MKLN1: variants seen among roughly 807,000 people sequenced by gnomAD.
MKLN1 encodes the protein muskelin.
Under a neutral mutation model 99.0 loss-of-function variants are expected in MKLN1, and 18 were observed. The ratio of observed to expected loss-of-function variants is 0.18; its 90% CI spans 0.13 to 0.27. The LOEUF (loss-of-function observed/expected upper bound fraction) is 0.27. Ranked by LOEUF, MKLN1 falls within the 10% of genes least tolerant of loss-of-function variation. MKLN1 has a pLI of 1.00. For missense variants in MKLN1, 621 were observed against 875.9 expected (o/e 0.71, Z 3.67); for synonymous variants, 288 against 293.2 (o/e 0.98, Z 0.18).
intron 3 of MKLN1, among the ~76,000 whole-genome samples, chr7:131,216,587 T>C (rs1287366436): frequency 1.3e-5 from 2 of 152,210 alleles, no homozygotes; most frequent in African/African-American, 4.8e-5. Flanking sequence ...ATAATTTCAA[T>C]GTCTATTTTG....
chr7:131,209,769 C>T (rs966400), intron 3 of MKLN1, among the ~76,000 whole-genome samples: 5,272 of 152,246 alleles, frequency 0.035, 263 homozygotes, highest in East Asian at 0.16. Context: ...CCCCTCATCT[C>T]CTTTGCAGCT....
chr7:131,287,520 G>A (rs1798150728), intron 3 of MKLN1, among the ~76,000 whole-genome samples: 1 of 152,102 alleles, frequency 6.6e-6, no homozygotes, highest in Non-Finnish European at 1.5e-5. Flanking sequence ...ACATGTGATT[G>A]CATTTAGGGC....
chr7:131,224,279 C>T (rs370617927), intron 3 of MKLN1, among the ~76,000 whole-genome samples: 17 of 152,220 alleles, frequency 1.1e-4, no homozygotes, highest in African/African-American at 3.6e-4. Flanking sequence ...GGTGCGGTAG[C>T]TCACACCTGT....
At chr7:131,256,622 A>C (rs558600338) in intron 3 of MKLN1, among the ~76,000 whole-genome samples, 1 of 152,382 alleles carries the variant, frequency 6.6e-6, no homozygotes, top group African/African-American at 2.4e-5. Flanking sequence ...AAGTCGGTAC[A>C]TCTATGAGAA....
intron 3 of MKLN1, among the ~76,000 whole-genome samples, chr7:131,263,595 T>C (rs1365400378): frequency 6.6e-6 from 1 of 150,726 alleles, no homozygotes; most frequent in Non-Finnish European, 1.5e-5. Context: ...TTTTTGAGAC[T>C]GAGTCTCACT....
chr7:131,298,883 G>A (rs542343181), intron 3 of MKLN1, among the ~76,000 whole-genome samples: 269 of 152,268 alleles, frequency 1.8e-3, no homozygotes, highest in Middle Eastern at 3.4e-3. Context: ...TACTGAATCT[G>A]ATCATAGGTT....
chr7:131,301,742 A>G (rs1325928456), intron 3 of MKLN1, among the ~76,000 whole-genome samples: 1 of 152,108 alleles, frequency 6.6e-6, no homozygotes, highest in Non-Finnish European at 1.5e-5. Flanking sequence ...GAAGTTATCT[A>G]GGATTTGCTA....
intron 3 of MKLN1, among the ~76,000 whole-genome samples, chr7:131,294,136 C>T (rs1020851497): frequency 2.0e-5 from 3 of 152,064 alleles, no homozygotes; most frequent in African/African-American, 7.2e-5. Context: ...GGATCAAAGG[C>T]TATGTAAAAG....
intron 1 of MKLN1, among the ~76,000 whole-genome samples, chr7:131,111,559 A>G (rs1311745789): frequency 6.6e-6 from 1 of 152,186 alleles, no homozygotes; most frequent in Non-Finnish European, 1.5e-5. Context: ...AAAACAAAAT[A>G]TTCCAATTAA....
rs183907860 is a variant in MKLN1, at chr7:131,304,029, A to G, written c.-178-71395A>G. 2.8e-4 allele frequency among the ~76,000 whole-genome samples: 42 copies of G among 152,332 alleles called. No individual in the cohort carries two copies. In the East Asian group the frequency reaches 7.3e-3, roughly 27 times the overall value. On this transcript the variant is annotated intron_variant, in intron 3 of 7. Transcript: ENST00000416992. Reference sequence around the variant, plus strand: ...AAAAAATATTTCTTGAGTGCCTACTATGTGCTGTATGTGTACAATATAGGT... The same window carrying G: ...AAAAAATATTTCTTGAGTGCCTACTGTGTGCTGTATGTGTACAATATAGGT...
At chr7:131,154,458 A>G (rs923499778) in intron 2 of MKLN1, among the ~76,000 whole-genome samples, 1 of 152,160 alleles carries the variant, frequency 6.6e-6, no homozygotes, top group Non-Finnish European at 1.5e-5. Context: ...AAGGGAATAT[A>G]GATGTAACAT....
intron 4 of MKLN1, among the ~76,000 whole-genome samples, chr7:131,392,189 G>A (rs1794214438): frequency 6.6e-6 from 1 of 152,132 alleles, no homozygotes; most frequent in Non-Finnish European, 1.5e-5. Context: ...AGGGGTAGGT[G>A]AGGGCAAAAA....
intron 4 of MKLN1, among the ~76,000 whole-genome samples, chr7:131,391,496 G>A (rs1436221932): frequency 2.0e-5 from 3 of 152,164 alleles, no homozygotes; most frequent in Non-Finnish European, 4.4e-5. Context: ...AGCTTATTAA[G>A]CAAATTGAAG....
intron 1 of MKLN1, among the ~76,000 whole-genome samples, chr7:131,132,697 G>T (rs1312953695): frequency 6.6e-6 from 1 of 152,118 alleles, no homozygotes; most frequent in African/African-American, 2.4e-5. Flanking sequence ...GCCGAGGCCG[G>T]TGGATCACAA....
intron 1 of MKLN1, among the ~76,000 whole-genome samples, chr7:131,340,541 A>G (rs572786870): frequency 1.3e-5 from 2 of 152,202 alleles, no homozygotes; most frequent in South Asian, 4.1e-4. Context: ...GGCCTCCCAA[A>G]GTGCTGGGAT....
At chr7:131,209,429 G>T (rs1001106920) in intron 3 of MKLN1, among the ~76,000 whole-genome samples, 20 of 152,308 alleles carry the variant, frequency 1.3e-4, no homozygotes, top group African/African-American at 4.8e-4. Context: ...GAGGAGCGCT[G>T]GGTGTATGGG....
At chr7:131,319,849 A>T (rs1424443933) in intron 3 of MKLN1, among the ~76,000 whole-genome samples, 1 of 152,188 alleles carries the variant, frequency 6.6e-6, no homozygotes, top group African/African-American at 2.4e-5. Flanking sequence ...AAGAGAATAA[A>T]ATACCTAGGA....
In MKLN1 at chr7:131,494,648, T is replaced by C. The variant is rs2089511077; in HGVS notation, c.*6920T>C. The C allele has an allele frequency of 6.6e-6, 1 of 152,214 alleles. No individual in the cohort carries two copies. Among genetic ancestry groups the C allele is most frequent in the Non-Finnish European group, 1.5e-5 (1 of 68,038 alleles). The allele number at this position is 152,214 out of a possible 1,614,324, so 9.4% of individuals were successfully genotyped here. A position where few individuals can be genotyped will look rare whatever the true frequency, so the allele number is the denominator to read the frequency against. ...GACTGATCAATTGTAAACAATTTTC[T>C]TCCTTACTTACAAATCATCCGTTCA... On this transcript the variant is annotated 3_prime_UTR_variant, in exon 18 of 18. Coordinates refer to ENST00000352689, the MANE Select transcript of MKLN1 (RefSeq NM_013255.5).
intron 3 of MKLN1, among the ~76,000 whole-genome samples, chr7:131,298,001 C>T (rs115558991): frequency 1.3e-5 from 2 of 152,260 alleles, no homozygotes; most frequent in African/African-American, 2.4e-5. Flanking sequence ...ATACACATGA[C>T]GGCCGGGCGC....
Sources: allele counts gnomAD v4.1 joint callset (sites outside exome capture counted in the v4.1 genomes callset), GRCh38; gene constraint gnomAD v4.1.1; transcripts MANE v1.5; gene names NCBI Gene and HGNC (gene_info 2026-07-23, HGNC 2026-07-21).